ZNF516: variants seen among roughly 807,000 people sequenced by gnomAD.
ZNF516 encodes the protein zinc finger protein 516.
ZNF516 carries 19 observed loss-of-function variants against 79.7 expected under a neutral mutation model. The observed-to-expected ratio is 0.24, with a 90% CI of 0.17 to 0.35. The LOEUF (loss-of-function observed/expected upper bound fraction) is 0.35. Among genes scored for constraint, ZNF516 ranks in the 10% least tolerant of loss-of-function variants. The probability of loss-of-function intolerance (pLI) is 1.00; values close to 1 mark genes in which losing one functional copy is unlikely to be tolerated. For missense variants in ZNF516, 1,678 were observed against 1,679.5 expected (o/e 1.00, Z 0.02); for synonymous variants, 877 against 739.5 (o/e 1.19, Z -3.02).
At chr18:76,364,671 G>A (rs2074587275) in intron 6 of ZNF516, among the ~76,000 whole-genome samples, 2 of 152,058 alleles carry the variant, frequency 1.3e-5, no homozygotes, top group Non-Finnish European at 2.9e-5. Context: ...GTGGATCGAT[G>A]CCCCGCACAC....
chr18:76,390,653 C>T (rs571947077), intron 3 of ZNF516, among the ~76,000 whole-genome samples: 11 of 152,300 alleles, frequency 7.2e-5, no homozygotes, highest in South Asian at 2.1e-4. Context: ...CAGAGCAACC[C>T]GGGTCCCGCA....
rs560221436 is a variant in ZNF516 at position 76,473,187 on chromosome 18, A to C, written c.-271-10046T>G. Among the ~76,000 whole-genome samples, 8 of 152,294 alleles carry C rather than the reference A, an allele frequency of 5.3e-5. No homozygotes were observed. The East Asian group carries it at 1.5e-3, about 29-fold the overall frequency. On this transcript the variant is annotated intron_variant, in intron 1 of 6. Transcript: ENST00000443185. ...AAGAAATATAATTCATATTCCAATA[A>C]AGAGAAAAGAAGAAAAAGCGAGGAA...
In ZNF516 at chr18:76,451,931, G is replaced by A. The variant is rs973703672; in HGVS notation, c.-157-8720C>T. ...CTTATAGTCCCCAGACTGGGGTCCC[G>A]AAGAGCCCCATAAAGTGATGCATTC... On this transcript the variant is annotated intron_variant, in intron 2 of 6. Coordinates refer to ENST00000443185, the MANE Select transcript of ZNF516 (RefSeq NM_014643.4). This position sits in a 1 kb window ranked among gnomAD's most constrained non-coding sequence, Gnocchi z 6.0. 6.6e-5 allele frequency among the ~76,000 whole-genome samples: 10 copies of A among 152,254 alleles called. No homozygotes were observed. The highest frequency in any genetic ancestry group is 2.6e-4 in the Admixed American group (4 of 15,294).
chr18:76,491,201 G>C, intron 1 of ZNF516: 2 of 783,424 alleles, frequency 2.6e-6, no homozygotes, highest in Non-Finnish European at 3.1e-6. Context: ...GGTCCACGCC[G>C]CCGCGCGGAC....
chr18:76,416,074 G>C (rs2075429537), intron 3 of ZNF516, among the ~76,000 whole-genome samples: 1 of 152,170 alleles, frequency 6.6e-6, no homozygotes, highest in Non-Finnish European at 1.5e-5. Context: ...AACTGTTTTG[G>C]AATAAAAGGT....
chr18:76,492,360 C>T, intron 1 of ZNF516: 1 of 985,342 alleles, frequency 1.0e-6, no homozygotes, highest in Middle Eastern at 5.2e-4. Context: ...CGTGGGGTGG[C>T]CGGTGACGCG....
At chr18:76,371,606 T>C in intron 4 of ZNF516, 35 bp from the exon 5 acceptor site, 2 of 1,578,610 alleles carry the variant, frequency 1.3e-6, no homozygotes, top group Non-Finnish European at 1.7e-6. Context: ...GGCAGGGCCG[T>C]GGTGGGGTTG....
rs542430571 is a variant in ZNF516 at position 76,380,288 on chromosome 18, C to T, written c.1826G>A (p.Arg609His). Residue 609 changes from arginine (R) to histidine (H), a missense_variant, in exon 4 of 7, where the codon CGC becomes CAC. This residue lies in a region of ZNF516 where 1,294 missense variants were observed against 1,248.3 expected (regional missense o/e 1.04). Transcript: ENST00000443185. ...AGTCACCTCTTCGGAAAAGCAGCAG[C>T]GGCGCGGCTGTCCCCCTAGAGGAGG... Reference protein sequence around the residue: ...PEPAPGGQPRRCCFSEEVTST... With the variant: ...PEPAPGGQPRHCCFSEEVTST... 2.0e-5 allele frequency: 32 copies of T among 1,613,394 alleles called. No homozygotes were observed. The highest frequency in any genetic ancestry group is 8.0e-5 in the African/African-American group (6 of 75,030).
chr18:76,395,317 T>C (rs690066), intron 3 of ZNF516, among the ~76,000 whole-genome samples: 86,207 of 151,974 alleles, frequency 0.57, 24,526 homozygotes, highest in South Asian at 0.67. Context: ...AAGCAAACCT[T>C]GTTTCACAGC....
At chr18:76,406,292 G>A (rs376593012) in intron 3 of ZNF516, among the ~76,000 whole-genome samples, 5 of 152,330 alleles carry the variant, frequency 3.3e-5, no homozygotes, top group African/African-American at 9.6e-5. Flanking sequence ...AAGGCCGGGC[G>A]CGGTGGCTCA....
intron 2 of ZNF516, among the ~76,000 whole-genome samples, chr18:76,449,579 A>C (rs910093184): frequency 1.3e-5 from 2 of 152,158 alleles, no homozygotes; most frequent in Non-Finnish European, 2.9e-5. Flanking sequence ...TCCTCAGTCC[A>C]TTTCTTCATC....
intron 3 of ZNF516, among the ~76,000 whole-genome samples, chr18:76,432,634 A>G (rs1568285703): frequency 2.6e-5 from 4 of 152,314 alleles, no homozygotes; most frequent in South Asian, 4.1e-4. Flanking sequence ...CCCAGCGCCA[A>G]TGAAACTCAT....
chr18:76,492,964 G>A (rs993459730), intron 1 of ZNF516: 3 of 985,442 alleles, frequency 3.0e-6, no homozygotes, highest in African/African-American at 1.7e-5. Context: ...AGACACATGG[G>A]CTCATGCACG....
chr18:76,486,281 TCAATG>T (rs1568331830), intron 1 of ZNF516, among the ~76,000 whole-genome samples: 49 of 152,176 alleles, frequency 3.2e-4, no homozygotes, highest in Non-Finnish European at 4.1e-4. Context: ...CTAAAATAAA[TCAATG>T]CCCAAACACA....
chr18:76,484,329 T>C lies in ZNF516; in HGVS notation c.-272+10815A>G, dbSNP rs1456959613. On this transcript the variant is annotated intron_variant, in intron 1 of 6. Transcript: ENST00000443185. Reference sequence around the variant, plus strand: ...CCAAGTTTCCTGCAGTTATAACACATATATGATTGTCTATATTAACCTTCT... The same window carrying C: ...CCAAGTTTCCTGCAGTTATAACACACATATGATTGTCTATATTAACCTTCT... Among the ~76,000 whole-genome samples, 5 of 152,228 alleles carry C rather than the reference T, an allele frequency of 3.3e-5. No individual in the cohort carries two copies. In the East Asian group the frequency reaches 7.7e-4, roughly 23 times the overall value.
At position 76,442,114 on chromosome 18, in the gene ZNF516, G is replaced by A. The variant is rs201724798; in HGVS notation, c.941C>T (p.Pro314Leu). The A allele has an allele frequency of 1.8e-4, 285 of 1,613,986 alleles. No individual in the cohort carries two copies. In the African/African-American group the frequency reaches 3.3e-3, roughly 18 times the overall value. The stretch of plus-strand genomic sequence containing the variant: ...GACCACGTTGTTGATGGTGGCGATG[G>A]GGTCCAGCTCACTCTTGGGCCTGTT... ...SKNRPKSELD[P>L]IATINNVVQE... Residue 314 changes from proline (P) to leucine (L), a missense_variant, in exon 3 of 7, where the codon CCC (proline) becomes CTC (leucine). By Grantham distance (98) the Pro-to-Leu change is moderately conservative. Coordinates refer to ENST00000443185, the MANE Select transcript of ZNF516 (RefSeq NM_014643.4).
At chr18:76,406,126 C>A (rs1482245542) in intron 3 of ZNF516, among the ~76,000 whole-genome samples, 1 of 152,198 alleles carries the variant, frequency 6.6e-6, no homozygotes, top group Non-Finnish European at 1.5e-5. Flanking sequence ...GCCCCTCCTC[C>A]GGAGGCACCG....
At position 76,492,213 on chromosome 18, in the gene ZNF516, C is replaced by A. The variant is rs146564099; in HGVS notation, c.-272+2931G>T. 203 of 985,452 alleles carry A rather than the reference C, an allele frequency of 2.1e-4. No homozygotes were observed. The African/African-American group carries it at 3.2e-3, about 15-fold the overall frequency. The allele number at this position is 985,452 out of a possible 1,614,324, so 61.0% of individuals were successfully genotyped here. A position where few individuals can be genotyped will look rare whatever the true frequency, so the allele number is the denominator to read the frequency against. ...CCCGCGGTGCTCCCGGAAGACACCG[C>A]GTCTCCAACATTTACACGGAGATGC... On this transcript the variant is annotated intron_variant, in intron 1 of 6. Transcript: ENST00000443185.
At chr18:76,489,158 T>C (rs938905575) in intron 1 of ZNF516, among the ~76,000 whole-genome samples, 3 of 152,242 alleles carry the variant, frequency 2.0e-5, no homozygotes, top group African/African-American at 7.2e-5. Flanking sequence ...AAAAGATTCC[T>C]TCTCTTAAAT....
Sources: gnomAD v4.1 joint callset for allele counts (sites outside exome capture counted in the v4.1 genomes callset) on GRCh38, gnomAD v4.1.1 for gene constraint, gnomAD v4.1.1 regional missense constraint, Gnocchi (gnomAD v3.1) non-coding constraint, MANE v1.5 for transcripts, NCBI Gene and HGNC (gene_info 2026-07-23, HGNC 2026-07-21) for gene names.